TANC2: variants seen among roughly 807,000 people sequenced by gnomAD.
TANC2 encodes protein TANC2.
TANC2 carries 26 observed loss-of-function variants against 210.5 expected under a neutral mutation model. The observed-to-expected ratio is 0.12, with a 90% CI of 0.09 to 0.17. TANC2 has a LOEUF of 0.17. TANC2 is among the 10% of genes least tolerant of loss of function. The pLI, the probability that TANC2 is intolerant of heterozygous loss-of-function variation, is 1.00. For synonymous variants in TANC2, 931 were observed against 967.1 expected (o/e 0.96, Z 0.69); for missense variants, 2,129 against 2,608.9 (o/e 0.82, Z 4.01).
chr17:63,064,847 CCTAT>C (rs1021180523), intron 2 of TANC2, among the ~76,000 whole-genome samples: 3 of 151,602 alleles, frequency 2.0e-5, no homozygotes, highest in East Asian at 3.9e-4. Context: ...AGCTAGTTAA[CCTAT>C]CTAATGTCTC....
At chr17:62,969,419 C>T (rs2031559711) in intron 1 of TANC2, among the ~76,000 whole-genome samples, 1 of 152,160 alleles carries the variant, frequency 6.6e-6, no homozygotes, top group Non-Finnish European at 1.5e-5. Context: ...ATTGGCAAGG[C>T]ATAATTAAAA....
intron 14 of TANC2, among the ~76,000 whole-genome samples, chr17:63,366,231 A>C (rs1246993308): frequency 6.6e-6 from 1 of 152,244 alleles, no homozygotes; most frequent in Non-Finnish European, 1.5e-5. Flanking sequence ...CATGCATTTC[A>C]GCAAGTATTC....
intron 2 of TANC2, among the ~76,000 whole-genome samples, chr17:63,014,177 T>G (rs1244098546): frequency 6.6e-6 from 1 of 152,184 alleles, no homozygotes; most frequent in Non-Finnish European, 1.5e-5. Context: ...ATTATTGAAT[T>G]TTTCAATTCC....
At chr17:63,312,205 T>C (rs1230811481) in intron 9 of TANC2, among the ~76,000 whole-genome samples, 1 of 152,192 alleles carries the variant, frequency 6.6e-6, no homozygotes, top group Non-Finnish European at 1.5e-5. Context: ...TTCTAATAAT[T>C]ATAGGTATGG....
rs868814366 is a variant in TANC2 at position 62,966,258 on chromosome 17, G to T, written c.-515G>T. Among the ~76,000 whole-genome samples the T allele has an allele frequency of 2.2e-3, 317 of 146,274 alleles. 1 individual carries two copies. The highest frequency in any genetic ancestry group is 7.0e-3 in the African/African-American group (288 of 40,894). On this transcript the variant is annotated 5_prime_UTR_variant, in exon 1 of 28. Coordinates refer to ENST00000689528, the Ensembl canonical transcript of TANC2. This position sits in a 1 kb window ranked among gnomAD's most constrained non-coding sequence, Gnocchi z 5.1. ...GCGGCGGCGCTAGCGAGCGGCCGGC[G>T]GGGCGCGGGTTGCTGGGCGCGCTGC... is the stretch of plus-strand genomic sequence containing the variant.
At chr17:63,397,753 G>GAT (rs2048215304) in intron 18 of TANC2, among the ~76,000 whole-genome samples, 1 of 152,200 alleles carries the variant, frequency 6.6e-6, no homozygotes, top group African/African-American at 2.4e-5. Flanking sequence ...CAACAGCATA[G>GAT]ATAATAGTAA....
intron 5 of TANC2, among the ~76,000 whole-genome samples, chr17:63,176,865 A>G (rs1450917812): frequency 6.6e-6 from 1 of 151,656 alleles, no homozygotes; most frequent in East Asian, 1.9e-4. Context: ...TAGAGTTGAG[A>G]GTGAGTTTGC....
chr17:63,358,379 A>ATGTGTGTGTGTGTGTGTG (rs375498280), intron 14 of TANC2, among the ~76,000 whole-genome samples: 56 of 139,530 alleles, frequency 4.0e-4, no homozygotes, highest in African/African-American at 8.0e-4. Flanking sequence ...GAGAGAGAGT[A>ATGTGTGTGTGTGTGTGTG]TGTGTGTGTG....
intron 2 of TANC2, among the ~76,000 whole-genome samples, chr17:63,010,308 C>T (rs139139279): frequency 9.2e-5 from 14 of 152,176 alleles, no homozygotes; most frequent in African/African-American, 3.4e-4. Flanking sequence ...TTCTTCTTGA[C>T]CCATAAGTAT....
At position 63,132,241 on chromosome 17, in the gene TANC2, A is replaced by AT. The variant is rs1009501519; in HGVS notation, c.323-19018dup. On this transcript the variant is annotated intron_variant, in intron 4 of 27. Transcript: ENST00000689528. ...CTTCTACCTCTATCCTACTACTAGG[A>AT]TTTTTTTTTTTCGAATCTTAAACAA... 6.0e-3 allele frequency among the ~76,000 whole-genome samples: 894 copies of AT among 148,458 alleles called. 7 individuals are homozygous for AT. Among genetic ancestry groups the AT allele is most frequent in the Non-Finnish European group, 9.5e-3 (635 of 66,922 alleles).
chr17:63,117,485 C>G (rs1003561053), intron 4 of TANC2, among the ~76,000 whole-genome samples: 1 of 152,214 alleles, frequency 6.6e-6, no homozygotes, highest in African/African-American at 2.4e-5. Context: ...CAGTGCTTCT[C>G]TGGATACAAA....
chr17:63,312,031 G>A (rs1224838769), intron 9 of TANC2, among the ~76,000 whole-genome samples: 1 of 152,140 alleles, frequency 6.6e-6, no homozygotes, highest in Non-Finnish European at 1.5e-5. Context: ...GCAGAACTTA[G>A]TGAATATACT....
chr17:63,169,147 A>C (rs2040313546), intron 5 of TANC2, among the ~76,000 whole-genome samples: 1 of 151,892 alleles, frequency 6.6e-6, no homozygotes, highest in South Asian at 2.1e-4. Context: ...CATCTCCACC[A>C]CTCATCCTCC....
At chr17:63,019,511 C>A (rs1297987028) in intron 2 of TANC2, among the ~76,000 whole-genome samples, 1 of 151,996 alleles carries the variant, frequency 6.6e-6, no homozygotes, top group South Asian at 2.1e-4. Flanking sequence ...AGATACTGTG[C>A]CTGGCTTTAT....
At chr17:63,359,197 G>A (rs2046879163) in intron 14 of TANC2, among the ~76,000 whole-genome samples, 1 of 151,930 alleles carries the variant, frequency 6.6e-6, no homozygotes, top group South Asian at 2.1e-4. Context: ...CTGTGTAACT[G>A]TGACCACAGG....
chr17:63,297,367 A>G (rs904395531), intron 9 of TANC2, among the ~76,000 whole-genome samples: 1 of 151,448 alleles, frequency 6.6e-6, no homozygotes, highest in Non-Finnish European at 1.5e-5. Context: ...AGGAATACAC[A>G]TAAAAGACCA....
exon 21 of TANC2, chr17:63,406,222 G>T: frequency 1.2e-6 from 2 of 1,613,976 alleles, no homozygotes; most frequent in Non-Finnish European, 1.7e-6. Flanking sequence ...GCACTCCCCT[G>T]ATGATGGCTG....
intron 12 of TANC2, among the ~76,000 whole-genome samples, chr17:63,346,468 C>A (rs749467024): frequency 2.0e-5 from 3 of 152,130 alleles, no homozygotes; most frequent in Non-Finnish European, 2.9e-5. Context: ...AAAGAAGATA[C>A]GTCAACAGCC....
At chr17:63,201,282 T>C (rs918745623) in intron 7 of TANC2, among the ~76,000 whole-genome samples, 2 of 152,188 alleles carry the variant, frequency 1.3e-5, no homozygotes, top group Non-Finnish European at 2.9e-5. Context: ...GTTCATTCCT[T>C]ACTGGTATAG....
Sources: gnomAD v4.1 joint callset for allele counts (sites outside exome capture counted in the v4.1 genomes callset) on GRCh38, gnomAD v4.1.1 for gene constraint, Gnocchi (gnomAD v3.1) non-coding constraint, MANE v1.5 for transcripts, NCBI Gene and HGNC (gene_info 2026-07-23, HGNC 2026-07-21) for gene names.